STK32B: variants seen among roughly 807,000 people sequenced by gnomAD.
STK32B encodes serine/threonine-protein kinase 32B.
A neutral mutation model predicts 52.6 loss-of-function variants in STK32B; 43 were observed. That is an observed-to-expected ratio of 0.82 (90% CI 0.64 to 1.05). STK32B has a LOEUF of 1.05. STK32B is among the 50% of genes least tolerant of loss of function. STK32B has a pLI of 0.00. For synonymous variants in STK32B, 238 were observed against 204.3 expected (o/e 1.17, Z -1.41); for missense variants, 621 against 534.6 (o/e 1.16, Z -1.59).
intron 3 of STK32B, among the ~76,000 whole-genome samples, chr4:5,190,368 A>G (rs767229611): frequency 1.3e-5 from 2 of 152,200 alleles, no homozygotes; most frequent in Non-Finnish European, 2.9e-5. Flanking sequence ...TTAGGCTGGA[A>G]CTTTGCTTCT....
In STK32B at chr4:5,317,169, T is replaced by G. The variant is rs1159540427; in HGVS notation, c.261-14051T>G. Among the ~76,000 whole-genome samples, 70 of 61,734 alleles carry G rather than the reference T, an allele frequency of 1.1e-3. 6 individuals carry two copies. Among genetic ancestry groups the G allele is most frequent in the Non-Finnish European group, 1.4e-3 (62 of 42,862 alleles). The allele number at this position is 61,734 out of a possible 152,430, so 40.5% of individuals were successfully genotyped here. A position where few individuals can be genotyped will look rare whatever the true frequency, so the allele number is the denominator to read the frequency against. On this transcript the variant is annotated intron_variant, in intron 3 of 11. Coordinates refer to ENST00000282908, the MANE Select transcript of STK32B (RefSeq NM_018401.3). ...GTATAATATACATATTACATATATA[T>G]AACATATAATATATATATATAACAT...
chr4:5,154,481 C>T (rs1276334285), intron 2 of STK32B, among the ~76,000 whole-genome samples: 2 of 152,124 alleles, frequency 1.3e-5, no homozygotes, highest in Admixed American at 6.5e-5. Context: ...TCCCAAAGTG[C>T]TGGGATTACA....
At chr4:5,199,165 A>G (rs1324506353) in intron 3 of STK32B, among the ~76,000 whole-genome samples, 2 of 152,234 alleles carry the variant, frequency 1.3e-5, no homozygotes, top group East Asian at 3.8e-4. Flanking sequence ...CTTCTCAGCC[A>G]CAATTCCAGC....
intron 3 of STK32B, among the ~76,000 whole-genome samples, chr4:5,291,890 G>A (rs938987864): frequency 9.2e-5 from 14 of 152,030 alleles, no homozygotes; most frequent in Admixed American, 5.2e-4. Flanking sequence ...GGGGATACGT[G>A]TGCAGGTTTG....
chr4:5,239,708 G>C (rs1012586519), intron 3 of STK32B, among the ~76,000 whole-genome samples: 1 of 152,134 alleles, frequency 6.6e-6, no homozygotes, highest in African/African-American at 2.4e-5. Flanking sequence ...TTACAAGATG[G>C]TGTTGGCTGG....
chr4:5,033,255 G>T, the STK32B span, among the ~76,000 whole-genome samples: 1 of 152,142 alleles, frequency 6.6e-6, no homozygotes, highest in South Asian at 2.1e-4. Context: ...AGGTGATACG[G>T]CGTCCACAGC....
intron 3 of STK32B, among the ~76,000 whole-genome samples, chr4:5,179,566 A>G (rs1409310567): frequency 6.6e-6 from 1 of 152,216 alleles, no homozygotes; most frequent in Non-Finnish European, 1.5e-5. Flanking sequence ...ATAGATATAG[A>G]TGATAGATGA....
intron 1 of STK32B, among the ~76,000 whole-genome samples, chr4:5,066,550 G>A (rs1742432889): frequency 6.6e-6 from 1 of 152,110 alleles, no homozygotes; most frequent in Admixed American, 6.5e-5. Context: ...AACCCTGTAT[G>A]GTCTAAAACC....
intron 1 of STK32B, among the ~76,000 whole-genome samples, chr4:5,123,431 C>G (rs148641266): frequency 2.0e-5 from 3 of 152,188 alleles, no homozygotes; most frequent in Non-Finnish European, 4.4e-5. Flanking sequence ...TTTCCAATCA[C>G]AATGCTAGCA....
Position 5,102,536 on chromosome 4 carries a change from T to A in STK32B, c.53-37369T>A, listed in dbSNP as rs560626160. On this transcript the variant is annotated intron_variant, in intron 1 of 11. Coordinates refer to ENST00000282908, the MANE Select transcript of STK32B (RefSeq NM_018401.3). ...TCCTTCCTTCTTTCTTTCTTTACTT[T>A]CTTTCTTTCTTTTTGATGAGTCTTG... Among the ~76,000 whole-genome samples the A allele has an allele frequency of 7.8e-4, 111 of 141,980 alleles. 1 individual carries two copies. Among genetic ancestry groups the A allele is most frequent in the African/African-American group, 2.8e-3 (106 of 38,212 alleles). The allele number at this position is 141,980 out of a possible 152,430, so 93.1% of individuals were successfully genotyped here.
At chr4:5,471,356 A>G (rs1717839267) in intron 11 of STK32B, among the ~76,000 whole-genome samples, 1 of 152,054 alleles carries the variant, frequency 6.6e-6, no homozygotes, top group African/African-American at 2.4e-5. Context: ...CTGACAAGAG[A>G]AGAGGTGCAG....
intron 3 of STK32B, among the ~76,000 whole-genome samples, chr4:5,217,269 A>G (rs992600783): frequency 1.7e-4 from 26 of 152,186 alleles, no homozygotes; most frequent in African/African-American, 5.3e-4. Flanking sequence ...GATGTAATTT[A>G]AAGTCCATAA....
At chr4:5,137,877 T>G (rs937286817) in intron 1 of STK32B, among the ~76,000 whole-genome samples, 5 of 152,088 alleles carry the variant, frequency 3.3e-5, no homozygotes, top group African/African-American at 9.7e-5. Context: ...GTTGGAGAAA[T>G]GGTCTTGCAG....
At chr4:5,159,623 A>ATG (rs1287062516) in intron 2 of STK32B, among the ~76,000 whole-genome samples, 3 of 105,924 alleles carry the variant, frequency 2.8e-5, no homozygotes, top group African/African-American at 4.4e-5. Flanking sequence ...ATATATGAAT[A>ATG]TATATGAATA....
In STK32B at chr4:5,235,646, A is replaced by T. The variant is rs537016303; in HGVS notation, c.260+67196A>T. 7.2e-5 allele frequency among the ~76,000 whole-genome samples: 11 copies of T among 151,726 alleles called. No homozygotes were observed. The South Asian group carries it at 2.3e-3, about 32-fold the overall frequency. Reference sequence around the variant, plus strand: ...TTTAATAAATCCAAGTTACACCATGACTTGTTAAAGTACTTGTCATTGTGG... The same window carrying T: ...TTTAATAAATCCAAGTTACACCATGTCTTGTTAAAGTACTTGTCATTGTGG... On this transcript the variant is annotated intron_variant, in intron 3 of 11. Coordinates refer to ENST00000282908, the MANE Select transcript of STK32B (RefSeq NM_018401.3).
chr4:5,254,539 T>G (rs28561687), intron 3 of STK32B, among the ~76,000 whole-genome samples: 3,318 of 152,258 alleles, frequency 0.022, 75 homozygotes, highest in East Asian at 0.071. Flanking sequence ...CTTCCCAGCA[T>G]GGTTTTATGT....
rs1282960843 is a variant in STK32B at position 5,317,065 on chromosome 4, A to C, written c.261-14155A>C. On this transcript the variant is annotated intron_variant, in intron 3 of 11. Transcript: ENST00000282908. ...ATTATATATATAATATATATGATAT[A>C]ATATATTATATATTATATATATAAT... Among the ~76,000 whole-genome samples the C allele has an allele frequency of 1.6e-3, 55 of 34,304 alleles. 8 individuals carry two copies. The South Asian group carries it at 0.031, about 19-fold the overall frequency. 22.5% of individuals were successfully genotyped at this position (34,304 alleles called of 152,430 possible).
At chr4:5,343,786 C>A (rs912268949) in intron 4 of STK32B, among the ~76,000 whole-genome samples, 1 of 152,110 alleles carries the variant, frequency 6.6e-6, no homozygotes, top group African/African-American at 2.4e-5. Context: ...AATAGGCAAC[C>A]TACAAATATT....
chr4:5,337,700 A>T (rs1398096036), intron 4 of STK32B, among the ~76,000 whole-genome samples: 1 of 152,002 alleles, frequency 6.6e-6, no homozygotes, highest in Non-Finnish European at 1.5e-5. Context: ...TTGAGTTACG[A>T]GAGGTTCAGG....
Sources: gnomAD v4.1 joint callset for allele counts (sites outside exome capture counted in the v4.1 genomes callset) on GRCh38, gnomAD v4.1.1 for gene constraint, MANE v1.5 for transcripts, NCBI Gene and HGNC (gene_info 2026-07-23, HGNC 2026-07-21) for gene names.